PPP2R5E: variants seen among roughly 807,000 people sequenced by gnomAD.
PPP2R5E encodes serine/threonine-protein phosphatase 2A 56 kDa regulatory subunit epsilon isoform.
PPP2R5E carries 4 observed loss-of-function variants against 65.3 expected under a neutral mutation model. That is an observed-to-expected ratio of 0.06 (90% CI 0.03 to 0.14). The LOEUF (loss-of-function observed/expected upper bound fraction) is 0.14. PPP2R5E is among the 10% of genes least tolerant of loss of function. The pLI is 1.00. For synonymous variants in PPP2R5E, 183 were observed against 187.4 expected, an observed-to-expected ratio of 0.98 and a Z score of 0.19; for missense variants, 274 against 556.1, an observed-to-expected ratio of 0.49 and a Z score of 5.10.
intron 3 of PPP2R5E, among the ~76,000 whole-genome samples, chr14:63,431,028 G>T (rs1887641417): frequency 6.6e-6 from 1 of 152,146 alleles, no homozygotes; most frequent in Non-Finnish European, 1.5e-5. Flanking sequence ...CCAGCACTTT[G>T]GGAGGCCAAG....
At chr14:63,394,068 TC>T (rs1885187006) in intron 7 of PPP2R5E, 140 bp from the exon 8 acceptor site, 7 of 387,018 alleles carry the variant, frequency 1.8e-5, no homozygotes, top group South Asian at 9.5e-5. Context: ...ATTCAGAATT[TC>T]CTTTTTTTTT....
intron 12 of PPP2R5E, among the ~76,000 whole-genome samples, chr14:63,383,945 G>C (rs982999302): frequency 1.3e-5 from 2 of 152,050 alleles, no homozygotes; most frequent in Non-Finnish European, 2.9e-5. Context: ...AGGCTCACAC[G>C]AGTCCCACAG....
chr14:63,508,033 TA>T, intron 2 of PPP2R5E: 1 of 562,134 alleles, frequency 1.8e-6, no homozygotes, highest in Non-Finnish European at 2.3e-6. Flanking sequence ...GAGTGGCACC[TA>T]ATGCCTTTGG....
intron 3 of PPP2R5E, among the ~76,000 whole-genome samples, chr14:63,438,955 A>G (rs939296638): frequency 8.6e-5 from 13 of 152,020 alleles, no homozygotes; most frequent in Non-Finnish European, 1.0e-4. Context: ...AACTATAAAC[A>G]CAGGGGCATA....
chr14:63,516,558 T>C (rs1262182391), intron 2 of PPP2R5E, among the ~76,000 whole-genome samples: 1 of 152,242 alleles, frequency 6.6e-6, no homozygotes, highest in Non-Finnish European at 1.5e-5. Context: ...GACTTTTAGA[T>C]GCTCCCACTG....
rs1027398282 is a variant in PPP2R5E at position 63,379,249 on chromosome 14, C to T, written c.1304+2807G>A. Among the ~76,000 whole-genome samples, 9 of 151,960 alleles carry T rather than the reference C, an allele frequency of 5.9e-5. No individual in the cohort carries two copies. In the East Asian group the frequency reaches 7.7e-4, roughly 13 times the overall value. On this transcript the variant is annotated intron_variant, in intron 13 of 13. Coordinates refer to ENST00000337537, the MANE Select transcript of PPP2R5E (RefSeq NM_006246.5). ...TTCACCATGTTAGCCAGGATGGTCTCGATCTCCTAACCTCGTGATCCGCCC... is the reference window on the plus strand; with the variant it reads ...TTCACCATGTTAGCCAGGATGGTCTTGATCTCCTAACCTCGTGATCCGCCC...
intron 11 of PPP2R5E, among the ~76,000 whole-genome samples, chr14:63,389,103 A>T (rs528453758): frequency 6.6e-6 from 1 of 150,516 alleles, no homozygotes; most frequent in African/African-American, 2.5e-5. Context: ...TTAACTTGGG[A>T]CCTATAGTAA....
intron 2 of PPP2R5E, among the ~76,000 whole-genome samples, chr14:63,487,282 C>T (rs1891044074): frequency 6.6e-6 from 1 of 152,092 alleles, no homozygotes; most frequent in Non-Finnish European, 1.5e-5. Context: ...GTTGTTAAGA[C>T]ATAAAATAAG....
At chr14:63,482,309 A>G (rs1249902273) in intron 2 of PPP2R5E, among the ~76,000 whole-genome samples, 1 of 152,108 alleles carries the variant, frequency 6.6e-6, no homozygotes, top group East Asian at 1.9e-4. Flanking sequence ...AAAATACAAA[A>G]TTAGCCGGGC....
intron 3 of PPP2R5E, among the ~76,000 whole-genome samples, chr14:63,428,166 G>A (rs539308047): frequency 6.6e-6 from 1 of 152,228 alleles, no homozygotes; most frequent in South Asian, 2.1e-4. Context: ...ACCTCCAGCA[G>A]CAAACATCTT....
intron 8 of PPP2R5E, among the ~76,000 whole-genome samples, chr14:63,393,540 C>A (rs1370893388): frequency 6.6e-6 from 1 of 151,964 alleles, no homozygotes. Flanking sequence ...GGTAAAACCC[C>A]GTCTCTACTA....
intron 3 of PPP2R5E, among the ~76,000 whole-genome samples, chr14:63,445,892 T>C (rs1415524857): frequency 1.3e-5 from 2 of 152,148 alleles, no homozygotes; most frequent in African/African-American, 4.8e-5. Context: ...TGACTCTTCC[T>C]TTCATGAAAA....
At chr14:63,436,968 A>G (rs898219725) in intron 3 of PPP2R5E, among the ~76,000 whole-genome samples, 8 of 152,210 alleles carry the variant, frequency 5.3e-5, no homozygotes, top group Non-Finnish European at 1.2e-4. Flanking sequence ...ACAGGATGAA[A>G]TAGGAAGTCA....
At chr14:63,402,736 A>G (rs533661555) in intron 5 of PPP2R5E, among the ~76,000 whole-genome samples, 20 of 152,324 alleles carry the variant, frequency 1.3e-4, no homozygotes, top group Non-Finnish European at 2.5e-4. Context: ...AATATATAGA[A>G]GAAGATTTTA....
chr14:63,389,467 A>G (rs762612193), intron 11 of PPP2R5E, 145 bp downstream of exon 11: 1 of 950,904 alleles, frequency 1.1e-6, no homozygotes, highest in Non-Finnish European at 1.5e-6. Context: ...GCTCAAGATA[A>G]GCTGGCCACT....
intron 2 of PPP2R5E, among the ~76,000 whole-genome samples, chr14:63,460,852 C>T (rs1284874871): frequency 6.6e-6 from 1 of 152,154 alleles, no homozygotes; most frequent in African/African-American, 2.4e-5. Context: ...ACACTATGAT[C>T]TAATCAGAAG....
At chr14:63,382,206 G>A (rs1172841964) in intron 12 of PPP2R5E, 49 bp from the exon 13 acceptor site, 2 of 1,449,550 alleles carry the variant, frequency 1.4e-6, no homozygotes, top group South Asian at 1.2e-5. Context: ...TTATAAAATG[G>A]GATACTGAAT....
chr14:63,477,819 GAGA>G (rs898440603), intron 2 of PPP2R5E, among the ~76,000 whole-genome samples: 2 of 151,540 alleles, frequency 1.3e-5, no homozygotes, highest in Non-Finnish European at 2.9e-5. Flanking sequence ...GAATGATACA[GAGA>G]AGATTAGCAT....
intron 3 of PPP2R5E, among the ~76,000 whole-genome samples, chr14:63,444,471 C>T (rs904899841): frequency 6.6e-6 from 1 of 152,118 alleles, no homozygotes; most frequent in Non-Finnish European, 1.5e-5. Context: ...AAGTGAAGCC[C>T]TGTCTTTTTT....
Sources: gnomAD v4.1 joint callset for allele counts (sites outside exome capture counted in the v4.1 genomes callset) on GRCh38, gnomAD v4.1.1 for gene constraint, MANE v1.5 for transcripts, NCBI Gene and HGNC (gene_info 2026-07-23, HGNC 2026-07-21) for gene names.